The following STEAP1B variants were observed in gnomAD, a reference collection of about 807,000 sequenced individuals.
STEAP1B encodes STEAP family protein MGC87042.
STEAP1B carries 13 observed loss-of-function variants against 27.9 expected under a neutral mutation model. The ratio of observed to expected loss-of-function variants is 0.47; its 90% CI spans 0.30 to 0.74. The LOEUF (loss-of-function observed/expected upper bound fraction) is 0.74. Ranked by LOEUF, STEAP1B falls within the 30% of genes least tolerant of loss-of-function variation. The probability of loss-of-function intolerance (pLI) is 0.06; values close to 1 mark genes in which losing one functional copy is unlikely to be tolerated. For synonymous variants in STEAP1B, 86 were observed against 107.1 expected (o/e 0.80, Z 1.22); for missense variants, 250 against 298.7 (o/e 0.84, Z 1.20).
intron 4 of STEAP1B, among the ~76,000 whole-genome samples, chr7:22,433,692 T>C (rs1324479375): frequency 1.3e-5 from 2 of 152,152 alleles, no homozygotes; most frequent in East Asian, 3.9e-4. Context: ...TATTGGAAGA[T>C]GTGAAAGGAT....
intron 4 of STEAP1B, among the ~76,000 whole-genome samples, chr7:22,466,839 G>C (rs1044351004): frequency 2.0e-5 from 3 of 152,170 alleles, no homozygotes; most frequent in Non-Finnish European, 4.4e-5. Flanking sequence ...GAGCCAAACT[G>C]CCTGGGTTCA....
At chr7:22,464,883 TA>T in intron 4 of STEAP1B, among the ~76,000 whole-genome samples, 1 of 136,478 alleles carries the variant, frequency 7.3e-6, no homozygotes, top group Non-Finnish European at 1.6e-5. Flanking sequence ...AGCCCTTCCT[TA>T]TCCTCACAGA....
At chr7:22,448,245 C>T (rs2128403691) in intron 4 of STEAP1B, among the ~76,000 whole-genome samples, 1 of 152,252 alleles carries the variant, frequency 6.6e-6, no homozygotes, top group African/African-American at 2.4e-5. Flanking sequence ...TCAATATTGA[C>T]ACTTTACAAC....
intron 4 of STEAP1B, among the ~76,000 whole-genome samples, chr7:22,431,103 CAG>C (rs764231185): frequency 6.6e-6 from 1 of 152,204 alleles, no homozygotes; most frequent in Non-Finnish European, 1.5e-5. Flanking sequence ...CTACAAGTAA[CAG>C]AAACTTGAAC....
intron 4 of STEAP1B, among the ~76,000 whole-genome samples, chr7:22,425,433 C>A (rs980077380): frequency 6.6e-6 from 1 of 152,060 alleles, no homozygotes; most frequent in African/African-American, 2.4e-5. Context: ...AGCAACCCTG[C>A]AATTAAGTCA....
intron 4 of STEAP1B, among the ~76,000 whole-genome samples, chr7:22,441,801 G>A (rs918611190): frequency 1.3e-5 from 2 of 152,244 alleles, no homozygotes; most frequent in Non-Finnish European, 2.9e-5. Flanking sequence ...CAACTGTGAT[G>A]TGAATTTGCA....
chr7:22,465,954 C>T (rs1785772269), intron 4 of STEAP1B, among the ~76,000 whole-genome samples: 1 of 152,106 alleles, frequency 6.6e-6, no homozygotes, highest in Non-Finnish European at 1.5e-5. Flanking sequence ...GCTCATGTTC[C>T]ACGGGACAGG....
chr7:22,442,980 C>T (rs1785356807), intron 4 of STEAP1B, among the ~76,000 whole-genome samples: 1 of 152,180 alleles, frequency 6.6e-6, no homozygotes, highest in Admixed American at 6.5e-5. Flanking sequence ...AAGCTGATGG[C>T]TCCAGCAGCT....
intron 4 of STEAP1B, among the ~76,000 whole-genome samples, chr7:22,490,502 A>C (rs1382273467): frequency 6.6e-6 from 1 of 152,228 alleles, no homozygotes; most frequent in African/African-American, 2.4e-5. Flanking sequence ...AAACTCAAAA[A>C]AACTCTACCT....
chr7:22,479,427 T>C (rs1220706065), intron 4 of STEAP1B, among the ~76,000 whole-genome samples: 1 of 152,242 alleles, frequency 6.6e-6, no homozygotes, highest in Non-Finnish European at 1.5e-5. Flanking sequence ...TAACTAATTC[T>C]TTCTGCTAGG....
intron 4 of STEAP1B, among the ~76,000 whole-genome samples, chr7:22,475,798 A>G (rs555501699): frequency 4.6e-5 from 7 of 152,344 alleles, no homozygotes; most frequent in Non-Finnish European, 1.0e-4. Context: ...CAGGCTATCC[A>G]GGGACTTGAG....
At chr7:22,461,609 C>T (rs1314786866) in intron 4 of STEAP1B, among the ~76,000 whole-genome samples, 1 of 152,156 alleles carries the variant, frequency 6.6e-6, no homozygotes, top group Non-Finnish European at 1.5e-5. Flanking sequence ...TTTGACTGAC[C>T]TTCCCCAAAG....
At chr7:22,461,843 G>T in intron 4 of STEAP1B, among the ~76,000 whole-genome samples, 1 of 152,172 alleles carries the variant, frequency 6.6e-6, no homozygotes, top group Non-Finnish European at 1.5e-5. Context: ...CTTAAATTGT[G>T]TGTTAAGTCG....
At chr7:22,456,161 T>A (rs1785576050) in intron 4 of STEAP1B, among the ~76,000 whole-genome samples, 2 of 151,458 alleles carry the variant, frequency 1.3e-5, no homozygotes, top group African/African-American at 4.9e-5. Context: ...AAAAAAAAAA[T>A]CTTCCTAATC....
chr7:22,496,538 T>C (rs1171090253), intron 1 of STEAP1B, among the ~76,000 whole-genome samples: 1 of 152,200 alleles, frequency 6.6e-6, no homozygotes, highest in Non-Finnish European at 1.5e-5. Context: ...CCTGTACAAA[T>C]ATACAATTTT....
chr7:22,497,291 T>A (rs922838810), intron 1 of STEAP1B, among the ~76,000 whole-genome samples: 5 of 152,324 alleles, frequency 3.3e-5, no homozygotes, highest in African/African-American at 1.2e-4. Flanking sequence ...AAGCCTGCCA[T>A]GCTTTTTTCT....
chr7:22,438,363 T>G (rs17146910), intron 4 of STEAP1B: 3 of 1,109,696 alleles, frequency 2.7e-6, no homozygotes, highest in Non-Finnish European at 3.7e-6. Context: ...TTAGTGAAGA[T>G]TGCATTAAAA....
intron 4 of STEAP1B, among the ~76,000 whole-genome samples, chr7:22,482,101 G>C (rs1211176060): frequency 6.6e-6 from 1 of 152,178 alleles, no homozygotes; most frequent in African/African-American, 2.4e-5. Flanking sequence ...AGTCCTGCTT[G>C]CAAGGGTAGC....
At chr7:22,479,679 C>CT (rs569050091) in intron 4 of STEAP1B, among the ~76,000 whole-genome samples, 5,871 of 91,980 alleles carry the variant, frequency 0.064, 413 homozygotes, top group East Asian at 0.12. Context: ...TCATGTGTGG[C>CT]TTTTTTTTTT....
Sources: allele counts gnomAD v4.1 joint callset (sites outside exome capture counted in the v4.1 genomes callset), GRCh38; gene constraint gnomAD v4.1.1; transcripts MANE v1.5; gene names NCBI Gene and HGNC (gene_info 2026-07-23, HGNC 2026-07-21).